The following KIF3B variants were observed in gnomAD, a reference collection of about 807,000 sequenced individuals.
KIF3B encodes kinesin-like protein KIF3B.
KIF3B carries 38 observed loss-of-function variants against 74.3 expected under a neutral mutation model. The observed-to-expected ratio is 0.51, with a 90% CI of 0.39 to 0.67. The LOEUF (loss-of-function observed/expected upper bound fraction) is 0.67, where lower values mean the gene tolerates loss of function less well. KIF3B is among the 30% of genes least tolerant of loss of function. The pLI, the probability that KIF3B is intolerant of heterozygous loss-of-function variation, is 0.00. For missense variants in KIF3B, 649 were observed against 932.0 expected (o/e 0.70, Z 3.95); for synonymous variants, 326 against 342.5 (o/e 0.95, Z 0.53).
intron 7 of KIF3B, among the ~76,000 whole-genome samples, chr20:32,328,801 G>T (rs2047916439): frequency 6.6e-6 from 1 of 152,160 alleles, no homozygotes; most frequent in South Asian, 2.1e-4. Flanking sequence ...ATGTGTGTCA[G>T]TCATGTAGTC....
intron 5 of KIF3B, among the ~76,000 whole-genome samples, chr20:32,323,693 A>G (rs1472573369): frequency 6.6e-6 from 1 of 152,050 alleles, no homozygotes; most frequent in African/African-American, 2.4e-5. Flanking sequence ...CCTGGCCAAG[A>G]TGGTGAAACC....
intron 1 of KIF3B, among the ~76,000 whole-genome samples, chr20:32,280,995 G>T (rs2047640537): frequency 6.6e-6 from 1 of 152,110 alleles, no homozygotes; most frequent in Non-Finnish European, 1.5e-5. Flanking sequence ...TGTGTCCCTA[G>T]ACTTCTGTTA....
chr20:32,298,655 TCTCCCCTCCC>T lies in KIF3B; in HGVS notation c.-65-11044_-65-11035del, dbSNP rs773236448. 2.0e-5 allele frequency among the ~76,000 whole-genome samples: 3 copies of T among 151,512 alleles called. No individual in the cohort carries two copies. In the South Asian group the frequency reaches 6.3e-4, roughly 32 times the overall value. ...TCATAAATTGTTATATATCCTTCTA[TCTCCCCTCCC>T]CTCCCCTCCCCTCTCTTCCCCTTCC... On this transcript the variant is annotated intron_variant, in intron 1 of 8. Coordinates refer to ENST00000375712, the MANE Select transcript of KIF3B (RefSeq NM_004798.4).
chr20:32,297,137 A>G (rs111668987), intron 1 of KIF3B, among the ~76,000 whole-genome samples: 57 of 152,016 alleles, frequency 3.7e-4, no homozygotes, highest in Non-Finnish European at 6.9e-4. Context: ...CTGATGGCTC[A>G]TGTGATCTTT....
At chr20:32,301,493 C>T (rs910734664) in intron 1 of KIF3B, among the ~76,000 whole-genome samples, 2 of 152,142 alleles carry the variant, frequency 1.3e-5, no homozygotes, top group Admixed American at 6.6e-5. Flanking sequence ...TCTCCTGCCT[C>T]AGCCTCCCGA....
chr20:32,330,750 G>A (rs982905841), intron 8 of KIF3B, among the ~76,000 whole-genome samples: 7 of 152,208 alleles, frequency 4.6e-5, no homozygotes, highest in African/African-American at 7.2e-5. Flanking sequence ...CAGCAAGTAA[G>A]GGCCAAAGCA....
rs749408030 is a variant in KIF3B at position 32,310,821 on chromosome 20, G to A, written c.1044G>A (p.Glu348=). 4.3e-6 allele frequency: 7 copies of A among 1,614,106 alleles called. No homozygotes were observed. The East Asian group carries it at 6.7e-5, about 15-fold the overall frequency. ...TTAAGAACAAACCAAGGGTCAATGAGGACCCCAAGGATGCCCTCCTTCGAG... is the reference window on the plus strand; with the variant it reads ...TTAAGAACAAACCAAGGGTCAATGAAGACCCCAAGGATGCCCTCCTTCGAG... The part of the protein sequence containing the change: ...KNIKNKPRVN[E]DPKDALLREF... Residue 348 remains glutamate (E), a synonymous_variant, in exon 2 of 9, where the codon GAG becomes GAA. Coordinates refer to ENST00000375712, the MANE Select transcript of KIF3B (RefSeq NM_004798.4). This position sits in a 1 kb window ranked among gnomAD's most constrained non-coding sequence, Gnocchi z 6.5.
At chr20:32,323,064 A>T (rs1468529885) in intron 5 of KIF3B, among the ~76,000 whole-genome samples, 5 of 60,298 alleles carry the variant, frequency 8.3e-5, no homozygotes, top group African/African-American at 6.5e-4. Context: ...TTATATTTAT[A>T]TATATTTATA....
chr20:32,288,161 G>A (rs2047675738), intron 1 of KIF3B, among the ~76,000 whole-genome samples: 1 of 151,864 alleles, frequency 6.6e-6, no homozygotes, highest in Non-Finnish European at 1.5e-5. Context: ...GATTACAGGC[G>A]TGAGCCACCG....
At chr20:32,293,793 A>T (rs752566785) in intron 1 of KIF3B, among the ~76,000 whole-genome samples, 1 of 152,194 alleles carries the variant, frequency 6.6e-6, no homozygotes, top group Non-Finnish European at 1.5e-5. Flanking sequence ...TTACATGTTC[A>T]CTGTACACTC....
In KIF3B at chr20:32,299,370, G is replaced by GGTGT. The variant is rs201454349; in HGVS notation, c.-65-10336_-65-10333dup. ...TCCTTATAACTTGTAACTACTGAAT[G>GGTGT]GTGTGTGTGTATATATATATATATA... On this transcript the variant is annotated intron_variant, in intron 1 of 8. Coordinates refer to ENST00000375712, the MANE Select transcript of KIF3B (RefSeq NM_004798.4). Among the ~76,000 whole-genome samples the GGTGT allele has an allele frequency of 9.0e-3, 714 of 78,910 alleles. 13 individuals carry two copies. Among genetic ancestry groups the GGTGT allele is most frequent in the Middle Eastern group, 0.014 (2 of 138 alleles). The allele number at this position is 78,910 out of a possible 152,430, so 51.8% of individuals were successfully genotyped here. A position where few individuals can be genotyped will look rare whatever the true frequency, so the allele number is the denominator to read the frequency against.
intron 5 of KIF3B, among the ~76,000 whole-genome samples, chr20:32,322,840 ATATT>A (rs2047875309): frequency 2.5e-5 from 2 of 80,030 alleles, no homozygotes; most frequent in South Asian, 8.6e-4. Context: ...ATATTTTTAT[ATATT>A]TATATATATT....
At chr20:32,318,828 C>T (rs2122703365) in intron 5 of KIF3B, among the ~76,000 whole-genome samples, 1 of 152,216 alleles carries the variant, frequency 6.6e-6, no homozygotes, top group South Asian at 2.1e-4. Context: ...TTTCATTTCT[C>T]TGGGATACAT....
rs1262438372 is a variant in KIF3B, at chr20:32,322,768, TTATATATA to T, written c.1749-3999_1749-3992del. Among the ~76,000 whole-genome samples, 36 of 34,116 alleles carry T rather than the reference TTATATATA, an allele frequency of 1.1e-3. 6 individuals are homozygous for T. Among genetic ancestry groups the T allele is most frequent in the East Asian group, 6.6e-3 (1 of 152 alleles). The allele number at this position is 34,116 out of a possible 152,430, so 22.4% of individuals were successfully genotyped here. A position where few individuals can be genotyped will look rare whatever the true frequency, so the allele number is the denominator to read the frequency against. On this transcript the variant is annotated intron_variant, in intron 5 of 8. Transcript: ENST00000375712. Reference sequence around the variant, plus strand: ...TATTTATATATATATTTATATATATTTATATATATATTTATATATATTTATATATATAT... The same window carrying T: ...TATTTATATATATATTTATATATATTTATTTATATATATTTATATATATAT...
intron 1 of KIF3B, among the ~76,000 whole-genome samples, chr20:32,303,110 C>G (rs1324228145): frequency 6.6e-6 from 1 of 152,136 alleles, no homozygotes; most frequent in African/African-American, 2.4e-5. Flanking sequence ...ATTGGACACC[C>G]TTGATCTAGA....
In KIF3B at chr20:32,283,833, G is replaced by A. The variant is rs546327274; in HGVS notation, c.-66+6068G>A. The stretch of plus-strand genomic sequence containing the variant: ...TCAAAAAAAAGAAATTTGTAGAGAC[G>A]GGTCTTACTGTATTGTCCAGGCGTC... On this transcript the variant is annotated intron_variant, in intron 1 of 8. Transcript: ENST00000375712. Among the ~76,000 whole-genome samples, 8 of 152,222 alleles carry A rather than the reference G, an allele frequency of 5.3e-5. No individual in the cohort carries two copies. The South Asian group carries it at 1.2e-3, about 24-fold the overall frequency.
chr20:32,306,687 C>T (rs180704665), intron 1 of KIF3B, among the ~76,000 whole-genome samples: 141 of 145,924 alleles, frequency 9.7e-4, no homozygotes, highest in Admixed American at 1.6e-3. Context: ...CGCCACCTCC[C>T]GGGTTCAAGC....
intron 7 of KIF3B, among the ~76,000 whole-genome samples, chr20:32,328,269 C>A (rs1259964628): frequency 6.6e-6 from 1 of 151,912 alleles, no homozygotes; most frequent in African/African-American, 2.4e-5. Context: ...ACTAAAAACA[C>A]AAAAATTAGC....
rs553778729 is a variant in KIF3B at position 32,299,840 on chromosome 20, G to C, written c.-65-9873G>C. ...GTCTTCCTCTGTGACTCAGGCTGGA[G>C]TGCAGTGGTGTGATCCTGACTTGCT... On this transcript the variant is annotated intron_variant, in intron 1 of 8. Coordinates refer to ENST00000375712, the MANE Select transcript of KIF3B (RefSeq NM_004798.4). Among the ~76,000 whole-genome samples the C allele has an allele frequency of 1.3e-3, 197 of 152,226 alleles. 1 individual carries two copies. Among genetic ancestry groups the C allele is most frequent in the South Asian group, 5.8e-3 (28 of 4,826 alleles).
Sources: allele counts gnomAD v4.1 joint callset (sites outside exome capture counted in the v4.1 genomes callset), GRCh38; gene constraint gnomAD v4.1.1; non-coding constraint Gnocchi (gnomAD v3.1); transcripts MANE v1.5; gene names NCBI Gene and HGNC (gene_info 2026-07-23, HGNC 2026-07-21).